The following FAM124A variants were observed in gnomAD, a reference collection of about 807,000 sequenced individuals.
FAM124A encodes family with sequence similarity 124 member A, also known as protein FAM124A.
FAM124A carries 23 observed loss-of-function variants against 24.5 expected under a neutral mutation model. The ratio of observed to expected loss-of-function variants is 0.94; its 90% CI spans 0.68 to 1.33. FAM124A has a LOEUF of 1.33. Among genes scored for constraint, FAM124A ranks in the 40% most tolerant of loss-of-function variants. The pLI, the probability that FAM124A is intolerant of heterozygous loss-of-function variation, is 0.00. For missense variants in FAM124A, 623 were observed against 722.8 expected (o/e 0.86, Z 1.58); for synonymous variants, 287 against 314.7 (o/e 0.91, Z 0.93).
chr13:51,267,864 C>T (rs1954804185), intron 3 of FAM124A, among the ~76,000 whole-genome samples: 1 of 152,194 alleles, frequency 6.6e-6, no homozygotes, highest in African/African-American at 2.4e-5. Flanking sequence ...GTTAGAATAA[C>T]CCAGTCCCGC....
intron 2 of FAM124A, among the ~76,000 whole-genome samples, chr13:51,245,017 G>GA (rs1264671263): frequency 6.6e-6 from 1 of 152,238 alleles, no homozygotes; most frequent in East Asian, 1.9e-4. Context: ...GGAAATCAAG[G>GA]ATGTGGACAC....
chr13:51,236,115 C>T (rs900010759), intron 2 of FAM124A, among the ~76,000 whole-genome samples: 1 of 152,188 alleles, frequency 6.6e-6, no homozygotes, highest in South Asian at 2.1e-4. Context: ...CTGAACTGCC[C>T]TCGAAGCAGC....
chr13:51,275,292 C>T (rs1278475061), intron 3 of FAM124A, among the ~76,000 whole-genome samples: 1 of 151,950 alleles, frequency 6.6e-6, no homozygotes, highest in East Asian at 1.9e-4. Flanking sequence ...GCAGGAGGAT[C>T]ACATGAGCCC....
At chr13:51,234,798 A>G (rs775879397) in intron 2 of FAM124A, among the ~76,000 whole-genome samples, 5 of 152,190 alleles carry the variant, frequency 3.3e-5, no homozygotes, top group Non-Finnish European at 5.9e-5. Context: ...ATTCTGAAGC[A>G]AGGGCCGGCC....
chr13:51,233,189 C>T (rs1012623340), intron 2 of FAM124A, among the ~76,000 whole-genome samples: 1 of 152,128 alleles, frequency 6.6e-6, no homozygotes, highest in Non-Finnish European at 1.5e-5. Flanking sequence ...GGAGGCAGTG[C>T]AGGTCTGGTG....
At position 51,251,730 on chromosome 13, in the gene FAM124A, C is replaced by T; in HGVS notation, c.363C>T (p.Arg121=). The T allele has an allele frequency of 6.3e-7, 1 of 1,585,244 alleles. No individual in the cohort carries two copies. The change falls in exon 3 of 4, where the codon CGC becomes CGT. Residue 121 remains arginine (R), a synonymous_variant. Transcript: ENST00000322475. The surrounding 1 kb of genome is among the most constrained non-coding windows in gnomAD (Gnocchi z 5.3). ...YGEEQILQLH[R]TLQQPPWRHH... ...AAGAGCAGATCCTGCAGCTGCACCG[C>T]ACACTGCAGCAGCCGCCCTGGCGCC...
intron 2 of FAM124A, among the ~76,000 whole-genome samples, chr13:51,248,993 C>T (rs1450741215): frequency 6.6e-6 from 1 of 152,196 alleles, no homozygotes; most frequent in Non-Finnish European, 1.5e-5. Context: ...TCCTTTGCCC[C>T]TTATCAACTA....
At chr13:51,275,452 G>T (rs1003065793) in intron 3 of FAM124A, among the ~76,000 whole-genome samples, 11 of 152,144 alleles carry the variant, frequency 7.2e-5, no homozygotes, top group African/African-American at 2.7e-4. Context: ...ACTTTAAAAA[G>T]AACTTCTGTT....
At position 51,252,065 on chromosome 13, in the gene FAM124A, C is replaced by T; in HGVS notation, c.698C>T (p.Pro233Leu). The change falls in exon 3 of 4, where the codon CCC becomes CTC. Residue 233 changes from proline to leucine, a missense_variant. Pro to Leu is a moderately conservative substitution (Grantham distance 98). Coordinates refer to ENST00000322475, the MANE Select transcript of FAM124A (RefSeq NM_001242312.2). ...KRLPCDQCPV[P>L]TDSSVLEFRV... The stretch of plus-strand genomic sequence containing the variant: ...CTGCCCTGTGACCAGTGCCCGGTGC[C>T]CACCGACTCCTCCGTGCTGGAGTTC... 2 of 1,614,140 alleles carry T rather than the reference C, an allele frequency of 1.2e-6. No individual in the cohort carries two copies. The highest frequency in any genetic ancestry group is 1.7e-6 in the Non-Finnish European group (2 of 1,180,040).
intron 2 of FAM124A, among the ~76,000 whole-genome samples, chr13:51,245,932 A>G (rs1954552853): frequency 6.6e-6 from 1 of 152,356 alleles, no homozygotes; most frequent in African/African-American, 2.4e-5. Flanking sequence ...AAATATATAT[A>G]TAACAAATGC....
At chr13:51,225,862 A>T (rs1954309997) in intron 1 of FAM124A, among the ~76,000 whole-genome samples, 1 of 151,582 alleles carries the variant, frequency 6.6e-6, no homozygotes, top group Admixed American at 6.6e-5. Context: ...GTGAAGAAAG[A>T]TTTCTTAAAT....
rs562144548 is a variant in FAM124A, at chr13:51,260,066, G to A, written c.834+7865G>A. Among the ~76,000 whole-genome samples the A allele has an allele frequency of 9.9e-5, 15 of 152,186 alleles. No homozygotes were observed. In the South Asian group the frequency reaches 1.7e-3, roughly 17 times the overall value. On this transcript the variant is annotated intron_variant, in intron 3 of 3. Transcript: ENST00000322475. ...GAGGAGGCTGTGTCAGGAGGTGTCC[G>A]GGAGGAGGGCTCCTGGGGCCGTGGT...
Position 51,280,956 on chromosome 13 carries a change from C to T in FAM124A, c.1341C>T (p.Ser447=), listed in dbSNP as rs2297969. ...GCACAGTGGAGACACCCCTCCCCTC[C>T]GAAAGATGCAGCAGCCACTGGGCAG... ...FCSTVETPLP[S]ERCSSHWAAH... Residue 447 remains serine, a synonymous_variant, in exon 4 of 4, where the codon TCC becomes TCT. Transcript: ENST00000322475. The T allele has an allele frequency of 3.9e-3, 6,236 of 1,614,062 alleles. 101 individuals are homozygous for T. Among genetic ancestry groups the T allele is most frequent in the East Asian group, 0.032 (1,421 of 44,872 alleles).
rs1414715769 is a variant in FAM124A, at chr13:51,222,537, C to A, written c.36C>A (p.Asp12Glu). The change falls in exon 1 of 4, where the codon GAC (aspartate) becomes GAA (glutamate). Residue 12 changes from aspartate to glutamate, a missense_variant. Transcript: ENST00000322475. ...DPKAGGGGEE[D>E]DCVDSGAETG... Reference sequence around the variant, plus strand: ...AGGCGGGCGGCGGCGGCGAGGAGGACGACTGCGTGGACTCGGGCGCCGAGA... The same window carrying A: ...AGGCGGGCGGCGGCGGCGAGGAGGAAGACTGCGTGGACTCGGGCGCCGAGA... 1.6e-6 allele frequency: 2 copies of A among 1,226,816 alleles called. No individual in the cohort carries two copies. The highest frequency in any genetic ancestry group is 2.0e-6 in the Non-Finnish European group (2 of 985,962). 76.0% of individuals were successfully genotyped at this position (1,226,816 alleles called of 1,614,324 possible). A position where few individuals can be genotyped will look rare whatever the true frequency, so the allele number is the denominator to read the frequency against.
intron 1 of FAM124A, among the ~76,000 whole-genome samples, chr13:51,226,979 A>C (rs978290073): frequency 6.6e-6 from 1 of 152,200 alleles, no homozygotes; most frequent in African/African-American, 2.4e-5. Context: ...ATATATTTAA[A>C]GCCCCTAGAA....
intron 2 of FAM124A, among the ~76,000 whole-genome samples, chr13:51,237,042 C>T (rs947575620): frequency 1.3e-5 from 2 of 152,124 alleles, no homozygotes; most frequent in Non-Finnish European, 2.9e-5. Flanking sequence ...TGAAAAGACT[C>T]AAAAATCCAC....
intron 2 of FAM124A, among the ~76,000 whole-genome samples, chr13:51,241,824 G>A (rs528823613): frequency 3.9e-5 from 6 of 152,070 alleles, no homozygotes; most frequent in South Asian, 2.1e-4. Context: ...GCTGGATTTC[G>A]TCACTGCTGC....
intron 1 of FAM124A, among the ~76,000 whole-genome samples, chr13:51,228,462 G>A (rs1024110050): frequency 1.6e-4 from 24 of 152,076 alleles, no homozygotes; most frequent in Admixed American, 3.3e-4. Context: ...GCTCTATATC[G>A]TGTATAAATT....
intron 2 of FAM124A, among the ~76,000 whole-genome samples, chr13:51,246,406 G>C (rs997573344): frequency 6.1e-5 from 9 of 146,378 alleles, no homozygotes; most frequent in South Asian, 2.3e-4. Flanking sequence ...TCGTGGGGTG[G>C]GGGGGGGTGT....
Sources: allele counts gnomAD v4.1 joint callset (sites outside exome capture counted in the v4.1 genomes callset), GRCh38; gene constraint gnomAD v4.1.1; non-coding constraint Gnocchi (gnomAD v3.1); transcripts MANE v1.5; gene names NCBI Gene and HGNC (gene_info 2026-07-23, HGNC 2026-07-21).